The following CSNK1G3 variants were observed in gnomAD, a reference collection of about 807,000 sequenced individuals.
The protein encoded by CSNK1G3 is casein kinase 1 gamma 3, also known as casein kinase I isoform gamma-3.
In CSNK1G3, 23 loss-of-function variants were observed where a neutral mutation model predicts 64.3. That is an observed-to-expected ratio of 0.36 (90% CI 0.26 to 0.51). CSNK1G3 has a LOEUF of 0.51. Ranked by LOEUF, CSNK1G3 falls within the 20% of genes least tolerant of loss-of-function variation. The pLI is 0.96. For missense variants in CSNK1G3, 357 were observed against 510.5 expected, an observed-to-expected ratio of 0.70 and a Z score of 2.90; for synonymous variants, 158 against 162.2, an observed-to-expected ratio of 0.97 and a Z score of 0.20.
chr5:123,563,534 A>G (rs751578492), intron 4 of CSNK1G3, among the ~76,000 whole-genome samples: 30 of 152,006 alleles, frequency 2.0e-4, no homozygotes, highest in Non-Finnish European at 3.8e-4. Flanking sequence ...TATTTTTAAG[A>G]TGATTTAGTT....
chr5:123,528,160 T>C (rs1219546161), intron 1 of CSNK1G3, among the ~76,000 whole-genome samples: 1 of 152,176 alleles, frequency 6.6e-6, no homozygotes, highest in Non-Finnish European at 1.5e-5. Flanking sequence ...AGAATATGCA[T>C]TTTGTGACCT....
intron 10 of CSNK1G3, among the ~76,000 whole-genome samples, chr5:123,596,944 A>C (rs887141234): frequency 2.6e-5 from 4 of 152,108 alleles, no homozygotes; most frequent in Admixed American, 1.3e-4. Flanking sequence ...TGTCCTATAC[A>C]CTTTCAAAAT....
At chr5:123,591,718 G>T (rs1475939074) in intron 10 of CSNK1G3, among the ~76,000 whole-genome samples, 1 of 151,972 alleles carries the variant, frequency 6.6e-6, no homozygotes, top group African/African-American at 2.4e-5. Context: ...CTGTAGTTTA[G>T]TTCAATAAAT....
intron 1 of CSNK1G3, among the ~76,000 whole-genome samples, chr5:123,530,150 A>G (rs149170277): frequency 7.2e-4 from 109 of 152,168 alleles, no homozygotes; most frequent in African/African-American, 2.6e-3. Flanking sequence ...CATATGGGCT[A>G]TGATAAAGGG....
At chr5:123,529,115 A>G (rs1779518984) in intron 1 of CSNK1G3, among the ~76,000 whole-genome samples, 1 of 152,232 alleles carries the variant, frequency 6.6e-6, no homozygotes, top group Non-Finnish European at 1.5e-5. Context: ...GCCTTATGGA[A>G]AAAATTCATG....
chr5:123,537,307 T>TC (rs1382887755), intron 1 of CSNK1G3, among the ~76,000 whole-genome samples: 6 of 151,720 alleles, frequency 4.0e-5, no homozygotes, highest in Non-Finnish European at 7.4e-5. Context: ...GAACTGGAGG[T>TC]CATTATCTTA....
chr5:123,515,372 A>G, intron 1 of CSNK1G3, among the ~76,000 whole-genome samples: 1 of 152,244 alleles, frequency 6.6e-6, no homozygotes, highest in East Asian at 1.9e-4. Context: ...ATAACAAAAT[A>G]TAGGTCATTG....
chr5:123,572,304 T>A (rs1286583945), intron 4 of CSNK1G3, among the ~76,000 whole-genome samples: 1 of 152,216 alleles, frequency 6.6e-6, no homozygotes, highest in Non-Finnish European at 1.5e-5. Context: ...ATTGATCACT[T>A]ACATTTCAGT....
intron 1 of CSNK1G3, among the ~76,000 whole-genome samples, chr5:123,517,226 AT>A (rs1212991162): frequency 6.6e-6 from 1 of 152,194 alleles, no homozygotes; most frequent in Non-Finnish European, 1.5e-5. Flanking sequence ...TCTCTGTAGA[AT>A]TTGCTGACTG....
At chr5:123,523,082 C>T (rs1304433008) in intron 1 of CSNK1G3, among the ~76,000 whole-genome samples, 1 of 152,022 alleles carries the variant, frequency 6.6e-6, no homozygotes, top group Non-Finnish European at 1.5e-5. Flanking sequence ...TATCATTGAG[C>T]TGTATTTTTT....
At chr5:123,567,790 G>C (rs1787222269) in intron 4 of CSNK1G3, among the ~76,000 whole-genome samples, 1 of 152,232 alleles carries the variant, frequency 6.6e-6, no homozygotes, top group African/African-American at 2.4e-5. Flanking sequence ...TTGCAGTTGT[G>C]GGCTGTGAAT....
At chr5:123,515,389 T>G (rs1776967594) in intron 1 of CSNK1G3, among the ~76,000 whole-genome samples, 1 of 152,224 alleles carries the variant, frequency 6.6e-6, no homozygotes, top group African/African-American at 2.4e-5. Flanking sequence ...ATTGAATAGT[T>G]ATATTATTGT....
intron 1 of CSNK1G3, among the ~76,000 whole-genome samples, chr5:123,538,596 G>A (rs1278459289): frequency 6.6e-6 from 1 of 152,176 alleles, no homozygotes; most frequent in East Asian, 1.9e-4. Context: ...TGGGGAGCTA[G>A]GAGAGGGATA....
At chr5:123,572,193 A>ATG (rs199961491) in intron 4 of CSNK1G3, among the ~76,000 whole-genome samples, 1,789 of 152,144 alleles carry the variant, frequency 0.012, 41 homozygotes, top group African/African-American at 0.041. Flanking sequence ...ATATATATAT[A>ATG]TGTGTGAGAA....
chr5:123,540,807 A>C (rs1050429205), intron 1 of CSNK1G3, among the ~76,000 whole-genome samples: 1 of 151,914 alleles, frequency 6.6e-6, no homozygotes, highest in African/African-American at 2.4e-5. Context: ...TAATTTTTGT[A>C]TTTTTAACCA....
At chr5:123,605,066 TAAC>T (rs1038045462) in intron 11 of CSNK1G3, among the ~76,000 whole-genome samples, 4 of 152,146 alleles carry the variant, frequency 2.6e-5, no homozygotes, top group Admixed American at 1.3e-4. Flanking sequence ...TATTTGGAAT[TAAC>T]AACATATTTT....
intron 2 of CSNK1G3, among the ~76,000 whole-genome samples, chr5:123,549,031 T>A (rs750116746): frequency 6.6e-6 from 1 of 152,222 alleles, no homozygotes; most frequent in Non-Finnish European, 1.5e-5. Context: ...ATATTGCTAG[T>A]CCAGGAAAAT....
intron 1 of CSNK1G3, among the ~76,000 whole-genome samples, chr5:123,530,249 G>T (rs528389800): frequency 6.6e-6 from 1 of 152,134 alleles, no homozygotes; most frequent in African/African-American, 2.4e-5. Flanking sequence ...CGGTCGTATT[G>T]TAGTTACTGG....
chr5:123,550,811 G>A (rs1299237504), intron 2 of CSNK1G3, among the ~76,000 whole-genome samples: 1 of 152,046 alleles, frequency 6.6e-6, no homozygotes, highest in Non-Finnish European at 1.5e-5. Context: ...TGCATCATTT[G>A]TTTGTTTATG....
Sources: gnomAD v4.1 joint callset for allele counts (sites outside exome capture counted in the v4.1 genomes callset) on GRCh38, gnomAD v4.1.1 for gene constraint, MANE v1.5 for transcripts, NCBI Gene and HGNC (gene_info 2026-07-23, HGNC 2026-07-21) for gene names.